The following GOLGB1 variants were observed in gnomAD, a reference collection of about 807,000 sequenced individuals.
The protein encoded by GOLGB1 is golgin B1.
Under a neutral mutation model 336.9 loss-of-function variants are expected in GOLGB1, and 174 were observed. That is an observed-to-expected ratio of 0.52 (90% CI 0.46 to 0.59). The LOEUF (loss-of-function observed/expected upper bound fraction) is 0.59. Among genes scored for constraint, GOLGB1 ranks in the 20% least tolerant of loss-of-function variants. The pLI is 0.00. For missense variants in GOLGB1, 3,331 were observed against 3,645.3 expected (o/e 0.91, Z 2.22); for synonymous variants, 1,208 against 1,289.2 (o/e 0.94, Z 1.35).
At chr3:121,704,319 AAGAAAACTATAACTAAGTACTTCAT>A (rs1164983367) in intron 10 of GOLGB1, among the ~76,000 whole-genome samples, 2 of 152,184 alleles carry the variant, frequency 1.3e-5, no homozygotes, top group East Asian at 3.8e-4. Flanking sequence ...GAAAATGACA[AAGAAAACTATAACTAAGTACTTCAT>A]AGACAAGGAT....
Position 121,696,363 on chromosome 3 carries a change from G to A in GOLGB1, c.4160C>T (p.Ala1387Val). 1.2e-6 allele frequency: 2 copies of A among 1,614,140 alleles called. No homozygotes were observed. The highest frequency in any genetic ancestry group is 1.7e-6 in the Non-Finnish European group (2 of 1,179,984). ...QKLESSQLQI[A>V]GLEHLRELQP... ...CAATTCTCTTAGATGTTCTAGGCCA[G>A]CAATTTGTAGTTGGCTGCTTTCCAA... The change falls in exon 13 of 22, where the codon GCT becomes GTT. Residue 1387 changes from alanine (A) to valine (V), a missense_variant. Transcript: ENST00000614479.
chr3:121,680,621 T>C (rs367824235), intron 15 of GOLGB1, among the ~76,000 whole-genome samples: 3 of 152,054 alleles, frequency 2.0e-5, no homozygotes, highest in Admixed American at 1.3e-4. Flanking sequence ...GAAAATCAAA[T>C]AGAAAATACC....
At position 121,694,191 on chromosome 3, in the gene GOLGB1, T is replaced by C. The variant is rs778931164; in HGVS notation, c.6332A>G (p.Gln2111Arg). The change falls in exon 13 of 22, where the codon CAG becomes CGG. Residue 2111 changes from glutamine to arginine, a missense_variant. Gln to Arg is a conservative substitution (Grantham distance 43). Coordinates refer to ENST00000614479, the MANE Select transcript of GOLGB1 (RefSeq NM_001366282.2). Reference sequence around the variant, plus strand: ...GCTTTTAACTGATTCTTTATTTGACTGAAGTTCCTTTTTCAACTTGAGATT... The same window carrying C: ...GCTTTTAACTGATTCTTTATTTGACCGAAGTTCCTTTTTCAACTTGAGATT... ...ADNLKLKKEL[Q>R]SNKESVKSQM... 3.1e-6 allele frequency: 5 copies of C among 1,613,104 alleles called. No homozygotes were observed. The Admixed American group carries it at 6.7e-5, about 21-fold the overall frequency.
rs1942686561 is a variant in GOLGB1 at position 121,693,810 on chromosome 3, C to T, written c.6713G>A (p.Cys2238Tyr). 1.2e-6 allele frequency: 2 copies of T among 1,606,286 alleles called. No individual in the cohort carries two copies. Among genetic ancestry groups the T allele is most frequent in the African/African-American group, 2.7e-5 (2 of 74,816 alleles). ...EEEIRLKEDNCSVLKDQLRQM... is the reference protein window; with the variant it reads ...EEEIRLKEDNYSVLKDQLRQM... ...TCTAAGTTGATCCTTTAGAACACTG[C>T]AATTATCTTCTTTGAGTCTAATTTC... is the stretch of plus-strand genomic sequence containing the variant. Residue 2238 changes from cysteine to tyrosine, a missense_variant, in exon 13 of 22, where the codon TGC becomes TAC. Physicochemically the swap from Cys to Tyr is radical, Grantham distance 194. Transcript: ENST00000614479.
At chr3:121,733,158 C>A (rs1217737046) in intron 1 of GOLGB1, among the ~76,000 whole-genome samples, 4 of 151,948 alleles carry the variant, frequency 2.6e-5, no homozygotes, top group Non-Finnish European at 5.9e-5. Context: ...TCCAACTCTA[C>A]TAAAAATACA....
chr3:121,679,568 A>C (rs1033237700), intron 15 of GOLGB1, among the ~76,000 whole-genome samples: 1 of 152,190 alleles, frequency 6.6e-6, no homozygotes, highest in Non-Finnish European at 1.5e-5. Flanking sequence ...AGACAGAGCC[A>C]TTAATGATAC....
At chr3:121,729,750 A>G in intron 3 of GOLGB1, 115 bp downstream of exon 3, 2 of 800,764 alleles carry the variant, frequency 2.5e-6, no homozygotes, top group Non-Finnish European at 4.1e-6. Context: ...AGGTTACAGT[A>G]CTAGGGAGAT....
Position 121,695,013 on chromosome 3 carries a change from T to C in GOLGB1, c.5510A>G (p.His1837Arg), listed in dbSNP as rs1045699257. The change falls in exon 13 of 22, where the codon CAT becomes CGT. Residue 1837 changes from histidine (H) to arginine (R), a missense_variant. By Grantham distance (29) the His-to-Arg change is conservative (BLOSUM62 0). Transcript: ENST00000614479. Reference protein sequence around the residue: ...NPAVSKDFSSHDEINNYLQQI... With the variant: ...NPAVSKDFSSRDEINNYLQQI... ...CTGTAGGTAGTTATTAATTTCATCA[T>C]GTGAGCTGAAATCCTTACTTACAGC... is the stretch of plus-strand genomic sequence containing the variant. 1.9e-6 allele frequency: 3 copies of C among 1,613,606 alleles called. No homozygotes were observed. The highest frequency in any genetic ancestry group is 1.6e-4 in the Middle Eastern group (1 of 6,062).
rs1238374976 is a variant in GOLGB1 at position 121,729,930 on chromosome 3, C to T, written c.184G>A (p.Val62Met). 2.5e-6 allele frequency: 4 copies of T among 1,609,728 alleles called. No individual in the cohort carries two copies. Among genetic ancestry groups the T allele is most frequent in the African/African-American group, 2.7e-5 (2 of 74,822 alleles). The part of the protein sequence containing the change: ...ERLAYAEQLV[V>M]ELKDIIRQKD... Reference sequence around the variant, plus strand: ...TGTCTAATAATATCTTTTAGCTCCACCACCAATTGCTCTGCATAAGCCAGG... The same window carrying T: ...TGTCTAATAATATCTTTTAGCTCCATCACCAATTGCTCTGCATAAGCCAGG... The change falls in exon 3 of 22, where the codon GTG becomes ATG. Residue 62 changes from valine (V) to methionine (M), a missense_variant. Physicochemically the swap from Val to Met is conservative, Grantham distance 21 (BLOSUM62 1). Coordinates refer to ENST00000614479, the MANE Select transcript of GOLGB1 (RefSeq NM_001366282.2).
At position 121,746,484 on chromosome 3, in the gene GOLGB1, T is replaced by G. The variant is rs1015441582; in HGVS notation, c.-3+3148A>C. Among the ~76,000 whole-genome samples, 7 of 149,114 alleles carry G rather than the reference T, an allele frequency of 4.7e-5. 1 individual carries two copies. The highest frequency in any genetic ancestry group is 1.3e-4 in the Admixed American group (2 of 15,014). On this transcript the variant is annotated intron_variant, in intron 1 of 21. Coordinates refer to ENST00000614479, the MANE Select transcript of GOLGB1 (RefSeq NM_001366282.2). Reference sequence around the variant, plus strand: ...TTATTTATTTATTTATTTATTTATTTAATGTTATTTATTTTGAGACGGAGT... The same window carrying G: ...TTATTTATTTATTTATTTATTTATTGAATGTTATTTATTTTGAGACGGAGT...
chr3:121,706,959 T>G (rs2107986593), intron 10 of GOLGB1, among the ~76,000 whole-genome samples: 1 of 151,842 alleles, frequency 6.6e-6, no homozygotes, highest in Non-Finnish European at 1.5e-5. Flanking sequence ...ACACCTGCAA[T>G]CCCAGCACTT....
rs753442153 is a variant in GOLGB1, at chr3:121,729,356, G to T, written c.250-16C>A. On this transcript the variant is annotated splice_polypyrimidine_tract_variant and intron_variant, in intron 3 of 21. Transcript: ENST00000614479. ...TTCTCTCTTCCTGCCCAAAAACAAT[G>T]ATGGTAAATACATAAATGTTTATTC... 9.4e-6 allele frequency: 15 copies of T among 1,598,390 alleles called. 1 individual carries two copies. In the South Asian group the frequency reaches 1.7e-4, roughly 18 times the overall value.
At chr3:121,684,288 A>G (rs1306277167) in intron 14 of GOLGB1, among the ~76,000 whole-genome samples, 7 of 150,366 alleles carry the variant, frequency 4.7e-5, no homozygotes, top group Middle Eastern at 6.8e-3. Flanking sequence ...AAAAAAAAAA[A>G]GGGAAAAGTT....
At chr3:121,664,696 C>T (rs1253214866) in intron 21 of GOLGB1, 82 bp from the exon 22 acceptor site, 2 of 1,326,702 alleles carry the variant, frequency 1.5e-6, no homozygotes, top group African/African-American at 2.9e-5. Flanking sequence ...TGCACTTAAG[C>T]AAAGCTGACC....
At chr3:121,705,815 C>T (rs1481010942) in intron 10 of GOLGB1, among the ~76,000 whole-genome samples, 1 of 152,102 alleles carries the variant, frequency 6.6e-6, no homozygotes, top group Non-Finnish European at 1.5e-5. Context: ...CACACAAAAC[C>T]CGGAAGTGTC....
chr3:121,685,641 A>G (rs1224192275), intron 14 of GOLGB1, among the ~76,000 whole-genome samples: 2 of 152,168 alleles, frequency 1.3e-5, no homozygotes, highest in Non-Finnish European at 2.9e-5. Flanking sequence ...AAACCCTGTT[A>G]GTGTAAAGAA....
chr3:121,698,967 G>A (rs768268839), intron 12 of GOLGB1, 38 bp from the exon 13 acceptor site: 53 of 1,406,474 alleles, frequency 3.8e-5, no homozygotes, highest in Non-Finnish European at 5.1e-5. Flanking sequence ...GTAATCAAAT[G>A]TTTTATAACA....
chr3:121,688,797 C>T (rs1344584723), intron 14 of GOLGB1, among the ~76,000 whole-genome samples: 6 of 151,858 alleles, frequency 4.0e-5, no homozygotes, highest in African/African-American at 7.2e-5. Context: ...TCTGCTCCGC[C>T]GCCCCGTCTG....
In GOLGB1 at chr3:121,664,612, G is replaced by T. The variant is rs367641559; in HGVS notation, c.9663C>A (p.Thr3221=). 1 of 1,613,712 alleles carries T rather than the reference G, an allele frequency of 6.2e-7. No homozygotes were observed. Among genetic ancestry groups the T allele is most frequent in the Non-Finnish European group, 8.5e-7 (1 of 1,179,660 alleles). ...CTCGCTTCCATCCAACGCCACTCCG[G>T]GTCTGAAAGAAAAATGTGAAAGTCA... ...IDLTSNSCRR[T]RSGVGWKRVL... is the part of the protein sequence containing the mutation. The change falls in exon 22 of 22, where the codon ACC becomes ACA. Residue 3221 remains threonine, a splice_region_variant and synonymous_variant. Coordinates refer to ENST00000614479, the MANE Select transcript of GOLGB1 (RefSeq NM_001366282.2).
Sources: gnomAD v4.1 joint callset for allele counts (sites outside exome capture counted in the v4.1 genomes callset) on GRCh38, gnomAD v4.1.1 for gene constraint, MANE v1.5 for transcripts, NCBI Gene and HGNC (gene_info 2026-07-23, HGNC 2026-07-21) for gene names.